RNF115: variants seen among roughly 807,000 people sequenced by gnomAD.
RNF115 encodes the protein ring finger protein 115.
RNF115 carries 31 observed loss-of-function variants against 39.2 expected under a neutral mutation model. The ratio of observed to expected loss-of-function variants is 0.79; its 90% CI spans 0.59 to 1.07. The LOEUF (loss-of-function observed/expected upper bound fraction) is 1.07. RNF115 is among the 50% of genes least tolerant of loss of function. RNF115 has a pLI of 0.00. For missense variants in RNF115, 384 were observed against 381.7 expected (o/e 1.01, Z -0.05); for synonymous variants, 124 against 131.0 (o/e 0.95, Z 0.37).
At chr1:145,776,924 T>C (rs950438757) in intron 3 of RNF115, among the ~76,000 whole-genome samples, 1 of 152,224 alleles carries the variant, frequency 6.6e-6, no homozygotes, top group African/African-American at 2.4e-5. Context: ...ATCTGCCTTA[T>C]TTCCCTTTAC....
At chr1:145,763,680 C>CA (rs1414505987) in intron 4 of RNF115, among the ~76,000 whole-genome samples, 1 of 150,960 alleles carries the variant, frequency 6.6e-6, no homozygotes, top group Non-Finnish European at 1.5e-5. Flanking sequence ...GCCTGGGTGA[C>CA]AGAGTGAGAC....
chr1:145,813,538 A>T (rs1234131218), intron 1 of RNF115, among the ~76,000 whole-genome samples: 3 of 152,162 alleles, frequency 2.0e-5, no homozygotes, highest in Admixed American at 6.5e-5. Flanking sequence ...TTGCCCTTAC[A>T]GTATGTAACT....
At chr1:145,821,460 T>A (rs1650235367) in intron 1 of RNF115, among the ~76,000 whole-genome samples, 1 of 6,668 alleles carries the variant, frequency 1.5e-4, no homozygotes, top group Non-Finnish European at 2.0e-4. Context: ...TCTCACTCTT[T>A]TTTTTTTTTT....
intron 1 of RNF115, among the ~76,000 whole-genome samples, chr1:145,794,666 C>G (rs1648859660): frequency 6.6e-6 from 1 of 151,660 alleles, no homozygotes; most frequent in Non-Finnish European, 1.5e-5. Context: ...GGTTCTTGGT[C>G]TCACTGACTT....
At chr1:145,747,410 G>C (rs1184839254) in intron 8 of RNF115, among the ~76,000 whole-genome samples, 4 of 152,152 alleles carry the variant, frequency 2.6e-5, no homozygotes, top group African/African-American at 9.7e-5. Context: ...CCAATACTTT[G>C]GGAGGCCGAG....
chr1:145,796,515 C>T (rs1001084235), intron 1 of RNF115, among the ~76,000 whole-genome samples: 11 of 151,654 alleles, frequency 7.3e-5, no homozygotes, highest in African/African-American at 2.7e-4. Context: ...TAACTTCCGC[C>T]TCCTGAGACT....
At chr1:145,772,779 G>A (rs1405471899) in intron 3 of RNF115, 1 of 152,088 alleles carries the variant, frequency 6.6e-6, no homozygotes, top group Non-Finnish European at 1.5e-5. Context: ...TGTCAAATTT[G>A]AAATGGTTTT....
intron 1 of RNF115, among the ~76,000 whole-genome samples, chr1:145,810,714 T>C (rs1649655950): frequency 6.9e-6 from 1 of 145,584 alleles, no homozygotes; most frequent in Non-Finnish European, 1.5e-5. Context: ...CAGGAAAGCA[T>C]AGGCAAGTCC....
At chr1:145,785,893 A>T (rs1348279930) in intron 2 of RNF115, among the ~76,000 whole-genome samples, 1 of 152,252 alleles carries the variant, frequency 6.6e-6, no homozygotes, top group African/African-American at 2.4e-5. Flanking sequence ...GCCCAAAAGT[A>T]CTTGTACATC....
chr1:145,782,971 C>T (rs1553717659), intron 3 of RNF115, among the ~76,000 whole-genome samples: 1 of 152,210 alleles, frequency 6.6e-6, no homozygotes, highest in African/African-American at 2.4e-5. Context: ...AAGCGATTCT[C>T]GTGTCTCAGC....
chr1:145,809,425 C>G (rs1465636710), intron 1 of RNF115, among the ~76,000 whole-genome samples: 8 of 150,968 alleles, frequency 5.3e-5, no homozygotes, highest in Non-Finnish European at 8.8e-5. Context: ...AGGTGATCTG[C>G]CCGCTTCAGC....
chr1:145,786,776 C>T (rs1648398216), intron 2 of RNF115, among the ~76,000 whole-genome samples: 2 of 152,182 alleles, frequency 1.3e-5, no homozygotes, highest in Admixed American at 1.3e-4. Context: ...TTATTTGATG[C>T]AATTATAATG....
In RNF115 at chr1:145,741,518, C is replaced by T. The variant is rs1657691342; in HGVS notation, c.*5348G>A. On this transcript the variant is annotated 3_prime_UTR_variant, in exon 9 of 9. Coordinates refer to ENST00000582693, the MANE Select transcript of RNF115 (RefSeq NM_014455.4). Reference sequence around the variant, plus strand: ...AGCTCAGTGGCTCGCTGGCTGAATACTGAGACACTGACATTACTGCAGGCT... The same window carrying T: ...AGCTCAGTGGCTCGCTGGCTGAATATTGAGACACTGACATTACTGCAGGCT... 6.6e-6 allele frequency: 1 copy of T among 152,148 alleles called. No homozygotes were observed. Among genetic ancestry groups the T allele is most frequent in the Non-Finnish European group, 1.5e-5 (1 of 68,038 alleles). 9.4% of individuals were successfully genotyped at this position (152,148 alleles called of 1,614,324 possible). A position where few individuals can be genotyped will look rare whatever the true frequency, so the allele number is the denominator to read the frequency against.
chr1:145,774,300 AT>A (rs35937477), intron 3 of RNF115, among the ~76,000 whole-genome samples: 45,188 of 139,022 alleles, frequency 0.33, 7,181 homozygotes, highest in Non-Finnish European at 0.39. Context: ...TTCCCCCAAC[AT>A]TTTTTTTTTT....
intron 4 of RNF115, among the ~76,000 whole-genome samples, chr1:145,755,947 C>A (rs1295955185): frequency 6.6e-6 from 1 of 152,104 alleles, no homozygotes; most frequent in African/African-American, 2.4e-5. Context: ...TACCTCCTGG[C>A]TTCTTGCTGC....
chr1:145,769,013 T>C (rs914542293), intron 4 of RNF115, among the ~76,000 whole-genome samples: 7 of 152,176 alleles, frequency 4.6e-5, no homozygotes, highest in African/African-American at 1.4e-4. Context: ...GGAAGGAAAG[T>C]TTCTGAGAAA....
rs28510547 is a variant in RNF115, at chr1:145,814,537, C to T, written c.102+9235G>A. 3.0e-3 allele frequency among the ~76,000 whole-genome samples: 453 copies of T among 151,360 alleles called. 2 individuals are homozygous for T. Among genetic ancestry groups the T allele is most frequent in the South Asian group, 0.011 (52 of 4,782 alleles). Reference sequence around the variant, plus strand: ...GGCAGAGGATGCAGTGAGCCGAGATCGTGCCACTGCACTCCAGCCTGGGTG... The same window carrying T: ...GGCAGAGGATGCAGTGAGCCGAGATTGTGCCACTGCACTCCAGCCTGGGTG... On this transcript the variant is annotated intron_variant, in intron 1 of 8. Transcript: ENST00000582693.
chr1:145,746,761 T>C lies in RNF115; in HGVS notation c.*105A>G. On this transcript the variant is annotated 3_prime_UTR_variant, in exon 9 of 9. Coordinates refer to ENST00000582693, the MANE Select transcript of RNF115 (RefSeq NM_014455.4). ...CATTGCATTTATATTATGTGTTGAG[T>C]TTCTTACATATTCCTAAATCCATCT... 9.0e-7 allele frequency: 1 copy of C among 1,115,272 alleles called. No individual in the cohort carries two copies. Among genetic ancestry groups the C allele is most frequent in the Admixed American group, 2.6e-5 (1 of 38,564 alleles). The allele number at this position is 1,115,272 out of a possible 1,614,324, so 69.1% of individuals were successfully genotyped here. A position where few individuals can be genotyped will look rare whatever the true frequency, so the allele number is the denominator to read the frequency against.
rs1347374517 is a variant in RNF115 at position 145,787,103 on chromosome 1, A to G, written c.161+1805T>C. On this transcript the variant is annotated intron_variant, in intron 2 of 8. Coordinates refer to ENST00000582693, the MANE Select transcript of RNF115 (RefSeq NM_014455.4). ...AGTAAAGGAATTACCTACTGCCATT[A>G]AAATCTCCAAAGTCACTCCAAGATT... The G allele has an allele frequency of 3.0e-6, 3 of 1,003,950 alleles. No homozygotes were observed. In the East Asian group the frequency reaches 1.8e-4, roughly 60 times the overall value. The allele number at this position is 1,003,950 out of a possible 1,614,324, so 62.2% of individuals were successfully genotyped here. A position where few individuals can be genotyped will look rare whatever the true frequency, so the allele number is the denominator to read the frequency against.
Sources: allele counts gnomAD v4.1 joint callset (sites outside exome capture counted in the v4.1 genomes callset), GRCh38; gene constraint gnomAD v4.1.1; transcripts MANE v1.5; gene names NCBI Gene and HGNC (gene_info 2026-07-23, HGNC 2026-07-21).